The following POLN variants were observed in gnomAD, a reference collection of about 807,000 sequenced individuals.
The protein encoded by POLN is DNA polymerase nu, also known as DNA polymerase N.
Under a neutral mutation model 113.5 loss-of-function variants are expected in POLN, and 108 were observed. The ratio of observed to expected loss-of-function variants is 0.95; its 90% CI spans 0.81 to 1.12. POLN has a LOEUF of 1.12. Among genes scored for constraint, POLN ranks in the 50% most tolerant of loss-of-function variants. The pLI is 0.00. For synonymous variants in POLN, 386 were observed against 391.5 expected, an observed-to-expected ratio of 0.99 and a Z score of 0.17; for missense variants, 1,097 against 1,077.1, an observed-to-expected ratio of 1.02 and a Z score of -0.26.
At chr4:2,091,761 CTGTGTGTGTGTGTGTGTGTGTG>C (rs765518897) in intron 20 of POLN, among the ~76,000 whole-genome samples, 4 of 145,214 alleles carry the variant, frequency 2.8e-5, no homozygotes, top group African/African-American at 1.0e-4. Flanking sequence ...ACACGTGAAT[CTGTGTGTGTGTGTGTGTGTGTG>C]TGTGTGTGTG....
chr4:2,179,199 G>A, intron 8 of POLN, 109 bp downstream of exon 8: 1 of 1,101,880 alleles, frequency 9.1e-7, no homozygotes, highest in Non-Finnish European at 1.3e-6. Flanking sequence ...AAGTGAAAAT[G>A]AATGTTGACA....
In POLN at chr4:2,156,935, A is replaced by G. The variant is rs530182649; in HGVS notation, c.1666-82T>C. 1.2e-5 allele frequency: 14 copies of G among 1,131,746 alleles called. No individual in the cohort carries two copies. In the South Asian group the frequency reaches 1.5e-4, roughly 12 times the overall value. The allele number at this position is 1,131,746 out of a possible 1,614,324, so 70.1% of individuals were successfully genotyped here. Reference sequence around the variant, plus strand: ...ATGTGGCGGAGCCTCCACTCACAACATGCAACACTCGCTGCTCCTCCAGAG... The same window carrying G: ...ATGTGGCGGAGCCTCCACTCACAACGTGCAACACTCGCTGCTCCTCCAGAG... On this transcript the variant is annotated intron_variant, in intron 15 of 25. Coordinates refer to ENST00000511885, the MANE Select transcript of POLN (RefSeq NM_181808.4).
chr4:2,169,608 T>G (rs952215076), intron 13 of POLN, among the ~76,000 whole-genome samples: 1 of 152,180 alleles, frequency 6.6e-6, no homozygotes, highest in Non-Finnish European at 1.5e-5. Flanking sequence ...CCTTACAAGA[T>G]TCCAGTAGGG....
intron 11 of POLN, among the ~76,000 whole-genome samples, chr4:2,171,528 T>C (rs1732862539): frequency 6.6e-6 from 1 of 152,172 alleles, no homozygotes; most frequent in Non-Finnish European, 1.5e-5. Context: ...GCCATTGCAC[T>C]GCAGCCTGTG....
intron 20 of POLN, among the ~76,000 whole-genome samples, chr4:2,086,299 G>A (rs1428581662): frequency 6.6e-6 from 1 of 152,114 alleles, no homozygotes. Flanking sequence ...ACAAAGTAAG[G>A]CCTAGTTTCT....
chr4:2,101,522 T>C (rs965172068), intron 19 of POLN, among the ~76,000 whole-genome samples: 1 of 152,234 alleles, frequency 6.6e-6, no homozygotes, highest in Non-Finnish European at 1.5e-5. Context: ...ACTTTCCCAC[T>C]GGGGGATTGT....
rs140821187 is a variant in POLN at position 2,156,183 on chromosome 4, T to C, written c.1731+605A>G. Reference sequence around the variant, plus strand: ...GTGCTTAGCAAAAAGTGTGGAAAGATAGATACCACAGTTCTGCACAGTGGA... The same window carrying C: ...GTGCTTAGCAAAAAGTGTGGAAAGACAGATACCACAGTTCTGCACAGTGGA... On this transcript the variant is annotated intron_variant, in intron 16 of 25. Transcript: ENST00000511885. Among the ~76,000 whole-genome samples the C allele has an allele frequency of 3.9e-5, 6 of 152,322 alleles. No homozygotes were observed. The East Asian group carries it at 9.6e-4, about 24-fold the overall frequency.
chr4:2,192,170 A>G (rs2108756483), intron 7 of POLN, among the ~76,000 whole-genome samples: 1 of 151,490 alleles, frequency 6.6e-6, no homozygotes, highest in Admixed American at 6.6e-5. Flanking sequence ...AAACTGGGTG[A>G]TGCCTACTTT....
rs1391763946 is a variant in POLN, at chr4:2,241,700, G to A, written c.-193C>T. The A allele has an allele frequency of 1.0e-6, 1 of 985,514 alleles. No homozygotes were observed. The highest frequency in any genetic ancestry group is 1.7e-5 in the African/African-American group (1 of 57,374). The allele number at this position is 985,514 out of a possible 1,614,324, so 61.0% of individuals were successfully genotyped here. A position where few individuals can be genotyped will look rare whatever the true frequency, so the allele number is the denominator to read the frequency against. On this transcript the variant is annotated 5_prime_UTR_variant, in exon 2 of 26. Coordinates refer to ENST00000511885, the MANE Select transcript of POLN (RefSeq NM_181808.4). ...ACCCCAGAGGCAGCGGCAAGCCCCAGGGATCCGCGGCCCCAAGGCCGCGAT... is the reference window on the plus strand; with the variant it reads ...ACCCCAGAGGCAGCGGCAAGCCCCAAGGATCCGCGGCCCCAAGGCCGCGAT...
chr4:2,076,480 G>C (rs1028733723), intron 23 of POLN: 4 of 152,396 alleles, frequency 2.6e-5, no homozygotes, highest in Non-Finnish European at 4.4e-5. Flanking sequence ...GTGCCCCCGG[G>C]AGGGGACGTG....
chr4:2,222,800 G>A (rs1734294172), intron 3 of POLN, among the ~76,000 whole-genome samples: 1 of 143,206 alleles, frequency 7.0e-6, no homozygotes, highest in Non-Finnish European at 1.5e-5. Flanking sequence ...GTGCAGTATT[G>A]TCCCAGCTGG....
chr4:2,214,739 G>C (rs887994858), intron 3 of POLN, among the ~76,000 whole-genome samples: 1 of 152,074 alleles, frequency 6.6e-6, no homozygotes, highest in East Asian at 1.9e-4. Flanking sequence ...GGAGTTGGGT[G>C]GAGAAAGTGA....
chr4:2,174,775 T>A (rs898963148), intron 9 of POLN, 24 bp from the exon 10 acceptor site: 4 of 1,503,636 alleles, frequency 2.7e-6, no homozygotes, highest in Non-Finnish European at 3.7e-6. Flanking sequence ...AGAAATAACA[T>A]CAACGTCAAT....
At chr4:2,164,755 A>T (rs1181538270) in intron 13 of POLN, among the ~76,000 whole-genome samples, 2 of 132,268 alleles carry the variant, frequency 1.5e-5, no homozygotes, top group African/African-American at 5.5e-5. Context: ...GGGAGCTGAG[A>T]TCATGCCACT....
Position 2,093,623 on chromosome 4 carries a change from C to T in POLN, c.2065+2228G>A, listed in dbSNP as rs1730716341. ...ACACAAGATGCAGCAGGATGCAAGG[C>T]AACAAACTCTCATATAATTTGGCAG... On this transcript the variant is annotated intron_variant, in intron 20 of 25. Coordinates refer to ENST00000511885, the MANE Select transcript of POLN (RefSeq NM_181808.4). The surrounding 1 kb of genome is among the most constrained non-coding windows in gnomAD (Gnocchi z 4.1). Among the ~76,000 whole-genome samples the T allele has an allele frequency of 6.6e-6, 1 of 152,130 alleles. No homozygotes were observed. The highest frequency in any genetic ancestry group is 1.5e-5 in the Non-Finnish European group (1 of 68,028).
chr4:2,078,707 A>T (rs1039120936), intron 23 of POLN: 1 of 985,296 alleles, frequency 1.0e-6, no homozygotes, highest in Non-Finnish European at 1.2e-6. Context: ...AACACAGACC[A>T]TGTGCCCAAT....
At chr4:2,116,256 C>T (rs1416952752) in intron 19 of POLN, among the ~76,000 whole-genome samples, 2 of 152,204 alleles carry the variant, frequency 1.3e-5, no homozygotes, top group Non-Finnish European at 2.9e-5. Context: ...TAATCTGTCA[C>T]ACCAACCCAC....
In POLN at chr4:2,081,632, C is replaced by T. The variant is rs143143974; in HGVS notation, c.2308+1G>A. The T allele has an allele frequency of 2.6e-4, 420 of 1,614,148 alleles. No individual in the cohort carries two copies. The Middle Eastern group carries it at 2.8e-3, about 11-fold the overall frequency. ...AACTACAGGTAAGAGGCTTCTGGTA[C>T]CTTGCACCACGAAGTTCACTGCCTG... is the stretch of plus-strand genomic sequence containing the variant. On this transcript the variant is annotated splice_donor_variant, in intron 22 of 25. Transcript: ENST00000511885. LOFTEE classifies it high-confidence loss of function.
intron 7 of POLN, among the ~76,000 whole-genome samples, chr4:2,187,425 G>A (rs1229622826): frequency 6.6e-6 from 1 of 151,998 alleles, no homozygotes; most frequent in Admixed American, 6.6e-5. Context: ...TGAATTTTTA[G>A]TAGAGACAGG....
Sources: gnomAD v4.1 joint callset for allele counts (sites outside exome capture counted in the v4.1 genomes callset) on GRCh38, gnomAD v4.1.1 for gene constraint, Gnocchi (gnomAD v3.1) non-coding constraint, MANE v1.5 for transcripts, NCBI Gene and HGNC (gene_info 2026-07-23, HGNC 2026-07-21) for gene names.